The following PKHD1 variants were observed in gnomAD, a reference collection of about 807,000 sequenced individuals.
The protein encoded by PKHD1 is fibrocystin.
A neutral mutation model predicts 412.0 loss-of-function variants in PKHD1; 291 were observed. That is an observed-to-expected ratio of 0.71 (90% CI 0.64 to 0.78). PKHD1 has a LOEUF of 0.78. PKHD1 is among the 30% of genes least tolerant of loss of function. The pLI is 0.00. For missense variants in PKHD1, 4,825 were observed against 4,950.7 expected (o/e 0.97, Z 0.76); for synonymous variants, 1,777 against 1,821.5 (o/e 0.98, Z 0.62).
At chr6:52,027,739 T>A (rs112822092) in intron 31 of PKHD1, 90 bp downstream of exon 31, 2 of 960,956 alleles carry the variant, frequency 2.1e-6, no homozygotes, top group African/African-American at 1.6e-5. Context: ...CTCTCTGACC[T>A]CACTGGCAAA....
intron 43 of PKHD1, among the ~76,000 whole-genome samples, chr6:51,890,526 G>A (rs1405304075): frequency 4.6e-5 from 7 of 151,528 alleles, no homozygotes; most frequent in Non-Finnish European, 1.0e-4. Context: ...GCTCCTAGAG[G>A]TGTGCATCTA....
At chr6:51,932,881 C>G (rs1786874121) in intron 37 of PKHD1, among the ~76,000 whole-genome samples, 1 of 152,116 alleles carries the variant, frequency 6.6e-6, no homozygotes, top group Non-Finnish European at 1.5e-5. Flanking sequence ...TTTTGATAGA[C>G]AATGATTGGG....
chr6:51,715,997 T>A (rs1781209918), intron 60 of PKHD1, among the ~76,000 whole-genome samples: 1 of 152,214 alleles, frequency 6.6e-6, no homozygotes, highest in Non-Finnish European at 1.5e-5. Flanking sequence ...GGATACTGGC[T>A]ATGTGGGTGT....
chr6:51,939,646 C>T (rs181065422), intron 36 of PKHD1, among the ~76,000 whole-genome samples: 22 of 151,326 alleles, frequency 1.5e-4, no homozygotes, highest in Non-Finnish European at 2.5e-4. Flanking sequence ...AGATGCCTGA[C>T]GTCCAGACAT....
chr6:51,911,843 C>G lies in PKHD1; in HGVS notation c.6446G>C (p.Arg2149Thr), dbSNP rs1301819678. Residue 2149 changes from arginine (R) to threonine (T), a missense_variant, in exon 39 of 67, where the codon AGG becomes ACG. Coordinates refer to ENST00000371117, the MANE Select transcript of PKHD1 (RefSeq NM_138694.4). ...ITIQGNLTNE[R>T]EKLLVSCQEA... The stretch of plus-strand genomic sequence containing the variant: ...CTGGCATGAAACAAGCAGCTTCTCC[C>G]TCTCATTAGTGAGATTTCCTTGTAT... The G allele has an allele frequency of 3.1e-6, 5 of 1,612,978 alleles. No homozygotes were observed. In the Admixed American group the frequency reaches 6.7e-5, roughly 22 times the overall value.
intron 49 of PKHD1, among the ~76,000 whole-genome samples, chr6:51,850,277 T>C (rs1562459387): frequency 6.6e-6 from 1 of 152,260 alleles, no homozygotes; most frequent in South Asian, 2.1e-4. Flanking sequence ...ACCAGTACCA[T>C]GCTGTTTTGG....
At chr6:51,669,021 T>C (rs989484434) in intron 60 of PKHD1, among the ~76,000 whole-genome samples, 3 of 152,210 alleles carry the variant, frequency 2.0e-5, no homozygotes, top group Non-Finnish European at 4.4e-5. Context: ...TTCAGTTGTG[T>C]CTCTGCCCAG....
chr6:51,782,385 A>G (rs1792175283), intron 53 of PKHD1, among the ~76,000 whole-genome samples: 1 of 152,184 alleles, frequency 6.6e-6, no homozygotes, highest in Non-Finnish European at 1.5e-5. Context: ...AATAAGTATT[A>G]TTTAACTGTT....
At chr6:51,930,527 T>C (rs1270500899) in intron 37 of PKHD1, among the ~76,000 whole-genome samples, 2 of 152,136 alleles carry the variant, frequency 1.3e-5, no homozygotes, top group African/African-American at 2.4e-5. Flanking sequence ...GCGATTTTAA[T>C]CCAAGGTAAA....
Position 52,055,572 on chromosome 6 carries a change from A to G in PKHD1, c.1836+15T>C, listed in dbSNP as rs1302517950. The G allele has an allele frequency of 1.9e-6, 3 of 1,613,810 alleles. No homozygotes were observed. The highest frequency in any genetic ancestry group is 1.1e-5 in the South Asian group (1 of 91,076). On this transcript the variant is annotated intron_variant, in intron 19 of 66. Coordinates refer to ENST00000371117, the MANE Select transcript of PKHD1 (RefSeq NM_138694.4). Reference sequence around the variant, plus strand: ...CCTACCCACCTGACCCAGAAGCACAAAGACTGCTACTCACGTGTGTATACT... The same window carrying G: ...CCTACCCACCTGACCCAGAAGCACAGAGACTGCTACTCACGTGTGTATACT...
intron 60 of PKHD1, among the ~76,000 whole-genome samples, chr6:51,695,010 T>C (rs759229875): frequency 5.3e-5 from 8 of 152,118 alleles, no homozygotes; most frequent in Admixed American, 1.3e-4. Context: ...AAAACAATGT[T>C]GCCAAAATTT....
At position 51,941,523 on chromosome 6, in the gene PKHD1, G is replaced by A. The variant is rs960522943; in HGVS notation, c.5909-7201C>T. ...ACCCGCCTCGGCCTCCCAAAGTGCT[G>A]GGATTACAGGCGTGAGCCACCGCAC... On this transcript the variant is annotated intron_variant, in intron 36 of 66. Transcript: ENST00000371117. Among the ~76,000 whole-genome samples the A allele has an allele frequency of 6.3e-4, 95 of 151,070 alleles. 1 individual carries two copies. The highest frequency in any genetic ancestry group is 2.1e-3 in the African/African-American group (87 of 41,356).
chr6:51,785,242 C>T (rs1582676216), intron 53 of PKHD1, among the ~76,000 whole-genome samples: 1 of 152,226 alleles, frequency 6.6e-6, no homozygotes, highest in South Asian at 2.1e-4. Context: ...TCCTTAGTAT[C>T]GATCTATTCA....
chr6:51,754,419 G>A (rs1562238229), intron 56 of PKHD1, among the ~76,000 whole-genome samples: 2 of 152,124 alleles, frequency 1.3e-5, no homozygotes, highest in African/African-American at 4.8e-5. Flanking sequence ...ATAATTCAAT[G>A]TGTCAGGAAA....
At position 51,659,165 on chromosome 6, in the gene PKHD1, G is replaced by A. The variant is rs1562040182; in HGVS notation, c.10961C>T (p.Thr3654Ile). 6.2e-7 allele frequency: 1 copy of A among 1,613,730 alleles called. No individual in the cohort carries two copies. Among genetic ancestry groups the A allele is most frequent in the Non-Finnish European group, 8.5e-7 (1 of 1,179,790 alleles). The part of the protein sequence containing the change: ...MNSHRASPPM[T>I]VETISKVIVI... ...AATCACTTTTGAGATAGTTTCCACA[G>A]TCATTGGGGGTGAAGCCCTATGTGA... The change falls in exon 61 of 67, where the codon ACT becomes ATT. Residue 3654 changes from threonine to isoleucine, a missense_variant. Coordinates refer to ENST00000371117, the MANE Select transcript of PKHD1 (RefSeq NM_138694.4).
intron 1 of PKHD1, among the ~76,000 whole-genome samples, 160 bp from the exon 2 acceptor site, chr6:52,085,177 C>T (rs966025224): frequency 1.3e-5 from 2 of 152,190 alleles, no homozygotes; most frequent in African/African-American, 4.8e-5. Flanking sequence ...AAAGGATCAT[C>T]TGAGAACCTT....
intron 34 of PKHD1, among the ~76,000 whole-genome samples, chr6:52,016,967 C>G (rs1419660734): frequency 6.6e-6 from 1 of 152,190 alleles, no homozygotes; most frequent in Non-Finnish European, 1.5e-5. Flanking sequence ...CTATGCAACC[C>G]TCCTTCTTTT....
chr6:51,701,978 T>G lies in PKHD1; in HGVS notation c.10157-42009A>C, dbSNP rs114806403. ...TAATCATATCTCAAACAATAAAATT[T>G]GTGGAAGTAATTACTATGTTTTATT... On this transcript the variant is annotated intron_variant, in intron 60 of 66. Transcript: ENST00000371117. Among the ~76,000 whole-genome samples, 1,126 of 151,146 alleles carry G rather than the reference T, an allele frequency of 7.4e-3. 14 individuals are homozygous for G. The highest frequency in any genetic ancestry group is 0.014 in the Non-Finnish European group (930 of 67,732).
At chr6:51,730,695 A>T (rs141041052) in intron 60 of PKHD1, among the ~76,000 whole-genome samples, 137 of 152,348 alleles carry the variant, frequency 9.0e-4, no homozygotes, top group Admixed American at 2.6e-3. Context: ...TAATATTGAG[A>T]TGAGAATTTG....
Sources: gnomAD v4.1 joint callset for allele counts (sites outside exome capture counted in the v4.1 genomes callset) on GRCh38, gnomAD v4.1.1 for gene constraint, MANE v1.5 for transcripts, NCBI Gene and HGNC (gene_info 2026-07-23, HGNC 2026-07-21) for gene names.